Variants in SERPINA3 observed in about 807,000 individuals in gnomAD.
SERPINA3 encodes serpin family A member 3.
In SERPINA3, 32 loss-of-function variants were observed where a neutral mutation model predicts 26.8. The ratio of observed to expected loss-of-function variants is 1.20; its 90% CI spans 0.90 to 1.61. The LOEUF (loss-of-function observed/expected upper bound fraction) is 1.61, where lower values mean the gene tolerates loss of function less well. Ranked by LOEUF, SERPINA3 falls within the 40% of genes most tolerant of loss-of-function variation. SERPINA3 has a pLI of 0.00. For missense variants in SERPINA3, 632 were observed against 517.9 expected, an observed-to-expected ratio of 1.22 and a Z score of -2.14; for synonymous variants, 252 against 206.4, an observed-to-expected ratio of 1.22 and a Z score of -1.89.
chr14:94,616,760 G>A (rs190845478), intron 2 of SERPINA3, among the ~76,000 whole-genome samples: 4 of 152,248 alleles, frequency 2.6e-5, no homozygotes, highest in East Asian at 3.9e-4. Flanking sequence ...AGCGAAGGCC[G>A]TTACAGCAGA....
At chr14:94,612,912 C>A (rs1352070585) in intron 1 of SERPINA3, among the ~76,000 whole-genome samples, 1 of 152,140 alleles carries the variant, frequency 6.6e-6, no homozygotes, top group African/African-American at 2.4e-5. Flanking sequence ...CCCAAAAGGA[C>A]CCCTGGCCAA....
chr14:94,615,120 A>C, intron 2 of SERPINA3, 36 bp downstream of exon 2: 2 of 1,608,218 alleles, frequency 1.2e-6, no homozygotes, highest in Non-Finnish European at 1.7e-6. Flanking sequence ...GAAGAGGTGG[A>C]TCTCAGGGCC....
chr14:94,623,390 C>G (rs1000653042), intron 4 of SERPINA3, among the ~76,000 whole-genome samples: 2 of 152,162 alleles, frequency 1.3e-5, no homozygotes, highest in Admixed American at 1.3e-4. Context: ...TGGCTCTGGG[C>G]AAATCATACT....
intron 4 of SERPINA3, 101 bp downstream of exon 4, chr14:94,622,592 G>C: frequency 9.1e-6 from 12 of 1,315,978 alleles, no homozygotes; most frequent in Non-Finnish European, 1.3e-5. Flanking sequence ...GTTAATGCAC[G>C]TGCATTTCTC....
chr14:94,620,409 G>A (rs1167127037), intron 3 of SERPINA3, among the ~76,000 whole-genome samples: 1 of 152,202 alleles, frequency 6.6e-6, no homozygotes, highest in Non-Finnish European at 1.5e-5. Context: ...AGCAGAGAGA[G>A]TGAGGAGAGA....
chr14:94,623,780 T>C lies in SERPINA3; in HGVS notation c.1238T>C (p.Phe413Ser). ...CCTACAGACACCCAGAACATCTTCT[T>C]CATGAGCAAAGTCACCAATCCCAAG... ...IVPTDTQNIF[F>S]MSKVTNPKQA Residue 413 changes from phenylalanine to serine, a missense_variant, in exon 5 of 5, where the codon TTC (phenylalanine) becomes TCC (serine). Coordinates refer to ENST00000393078, the MANE Select transcript of SERPINA3 (RefSeq NM_001085.5). 1 of 1,614,114 alleles carries C rather than the reference T, an allele frequency of 6.2e-7. No homozygotes were observed. Among genetic ancestry groups the C allele is most frequent in the Admixed American group, 1.7e-5 (1 of 60,014 alleles).
At position 94,621,577 on chromosome 14, in the gene SERPINA3, C is replaced by T. The variant is rs529840980; in HGVS notation, c.918-764C>T. On this transcript the variant is annotated intron_variant, in intron 3 of 4. Coordinates refer to ENST00000393078, the MANE Select transcript of SERPINA3 (RefSeq NM_001085.5). ...TAAGGGAGGGGGAGTTTGCAGGTGG[C>T]AGGTGTGACCTGGGCCTCTAGGAGC... Among the ~76,000 whole-genome samples the T allele has an allele frequency of 2.8e-4, 43 of 152,212 alleles. 1 individual carries two copies. The highest frequency in any genetic ancestry group is 2.5e-3 in the Admixed American group (38 of 15,296).
chr14:94,613,908 G>A (rs1242041075), intron 1 of SERPINA3: 13 of 161,374 alleles, frequency 8.1e-5, no homozygotes, highest in South Asian at 5.3e-4. Flanking sequence ...GCCACACCAC[G>A]TGACATCTAG....
At chr14:94,622,257 C>A in intron 3 of SERPINA3, 84 bp from the exon 4 acceptor site, 2 of 1,319,132 alleles carry the variant, frequency 1.5e-6, no homozygotes, top group African/African-American at 1.4e-5. Flanking sequence ...GTAGAGGAAA[C>A]CAGGGAAGAC....
rs949805230 is a variant in SERPINA3, at chr14:94,621,940, T to A, written c.918-401T>A. Among the ~76,000 whole-genome samples, 100 of 152,122 alleles carry A rather than the reference T, an allele frequency of 6.6e-4. 1 individual carries two copies. Among genetic ancestry groups the A allele is most frequent in the African/African-American group, 2.3e-3 (94 of 41,416 alleles). On this transcript the variant is annotated intron_variant, in intron 3 of 4. Transcript: ENST00000393078. ...TTTGGGACTCAGCCTCAACACCACC[T>A]CCTACAGGAAGCCCTCCTGGTGCCC...
At chr14:94,617,665 A>T (rs944988363) in intron 2 of SERPINA3, 2 of 152,154 alleles carry the variant, frequency 1.3e-5, no homozygotes, top group African/African-American at 4.8e-5. Flanking sequence ...CCCATTTGAA[A>T]ATTCCTTTTG....
At chr14:94,619,619 C>A in intron 3 of SERPINA3, 151 bp downstream of exon 3, 1 of 897,096 alleles carries the variant, frequency 1.1e-6, no homozygotes, top group Non-Finnish European at 1.8e-6. Flanking sequence ...TGGCTTTGGG[C>A]TTGATTTTTC....
chr14:94,624,049 T>C lies in SERPINA3; in HGVS notation c.*235T>C, dbSNP rs954582380. The C allele has an allele frequency of 1.7e-6, 1 of 578,744 alleles. No homozygotes were observed. Among genetic ancestry groups the C allele is most frequent in the Middle Eastern group, 4.7e-4 (1 of 2,132 alleles). 35.9% of individuals were successfully genotyped at this position (578,744 alleles called of 1,614,324 possible). A position where few individuals can be genotyped will look rare whatever the true frequency, so the allele number is the denominator to read the frequency against. On this transcript the variant is annotated 3_prime_UTR_variant, in exon 5 of 5. Transcript: ENST00000393078. ...CTCCTGACAGCAATAAATAATTTCGTTGGACACGTTGCTTGTGCCTTTCCA... is the reference window on the plus strand; with the variant it reads ...CTCCTGACAGCAATAAATAATTTCGCTGGACACGTTGCTTGTGCCTTTCCA...
intron 2 of SERPINA3, chr14:94,617,537 A>G (rs1424783644): frequency 6.6e-6 from 1 of 152,210 alleles, no homozygotes; most frequent in Non-Finnish European, 1.5e-5. Context: ...ATTCACATGC[A>G]ATACCTCGTT....
Position 94,612,417 on chromosome 14 carries a change from T to G in SERPINA3, c.-39T>G. The G allele has an allele frequency of 1.5e-6, 2 of 1,366,102 alleles. No individual in the cohort carries two copies. Among genetic ancestry groups the G allele is most frequent in the Non-Finnish European group, 2.0e-6 (2 of 1,021,622 alleles). 84.6% of individuals were successfully genotyped at this position (1,366,102 alleles called of 1,614,324 possible). A position where few individuals can be genotyped will look rare whatever the true frequency, so the allele number is the denominator to read the frequency against. On this transcript the variant is annotated 5_prime_UTR_variant, in exon 1 of 5. Coordinates refer to ENST00000393078, the MANE Select transcript of SERPINA3 (RefSeq NM_001085.5). ...CTACTCCAGACAGACGGCTTTGGAA[T>G]CCACCAGCTACATCCAGCTCCCTGA...
chr14:94,616,215 C>T (rs995619646), intron 2 of SERPINA3, among the ~76,000 whole-genome samples: 4 of 152,178 alleles, frequency 2.6e-5, no homozygotes, highest in Admixed American at 6.5e-5. Context: ...CTGCCTCTAA[C>T]AATGGGAAAC....
rs1595094065 is a variant in SERPINA3, at chr14:94,614,468, T to A, written c.27T>A (p.Ala9=). MERMLPLL[A]LGLLAAGFCP... is the part of the protein sequence containing the mutation. ...TGGAGAGAATGTTACCTCTCCTGGC[T>A]CTGGGGCTCTTGGCGGCTGGGTTCT... The change falls in exon 2 of 5, where the codon GCT becomes GCA. Residue 9 remains alanine, a synonymous_variant. Coordinates refer to ENST00000393078, the MANE Select transcript of SERPINA3 (RefSeq NM_001085.5). 1.9e-6 allele frequency: 3 copies of A among 1,614,098 alleles called. No individual in the cohort carries two copies. The South Asian group carries it at 3.3e-5, about 18-fold the overall frequency.
intron 2 of SERPINA3, among the ~76,000 whole-genome samples, chr14:94,616,474 G>C (rs76492110): frequency 0.071 from 10,838 of 152,272 alleles, 516 homozygotes; most frequent in Middle Eastern, 0.15. Context: ...GGAAGGTGGA[G>C]GGGACCGAGC....
At chr14:94,622,647 C>A in intron 4 of SERPINA3, 156 bp downstream of exon 4, 1 of 805,566 alleles carries the variant, frequency 1.2e-6, no homozygotes, top group Non-Finnish European at 2.1e-6. Flanking sequence ...CCAAGAAGAG[C>A]TAGGTTACAG....
Sources: gnomAD v4.1 joint callset for allele counts (sites outside exome capture counted in the v4.1 genomes callset) on GRCh38, gnomAD v4.1.1 for gene constraint, MANE v1.5 for transcripts, NCBI Gene and HGNC (gene_info 2026-07-23, HGNC 2026-07-21) for gene names.